Variants in TMEM178B observed in about 807,000 individuals in gnomAD.
TMEM178B encodes transmembrane protein 178B.
Under a neutral mutation model 31.0 loss-of-function variants are expected in TMEM178B, and 5 were observed. The observed-to-expected ratio is 0.16, with a 90% CI of 0.08 to 0.34. TMEM178B has a LOEUF of 0.34. Among genes scored for constraint, TMEM178B ranks in the 10% least tolerant of loss-of-function variants. TMEM178B has a pLI of 1.00. For synonymous variants in TMEM178B, 164 were observed against 164.0 expected, an observed-to-expected ratio of 1.00 and a Z score of 0.00; for missense variants, 275 against 400.3, an observed-to-expected ratio of 0.69 and a Z score of 2.67.
At chr7:141,186,010 C>T (rs188371858) in intron 1 of TMEM178B, among the ~76,000 whole-genome samples, 25 of 152,252 alleles carry the variant, frequency 1.6e-4, no homozygotes, top group East Asian at 1.2e-3. Context: ...TTTGAAACTT[C>T]AATTTCTTGA....
intron 2 of TMEM178B, among the ~76,000 whole-genome samples, chr7:141,295,137 A>G (rs1207748617): frequency 1.3e-5 from 2 of 152,190 alleles, no homozygotes; most frequent in Admixed American, 6.5e-5. Flanking sequence ...GAAATATGAC[A>G]GATGTCTGCA....
At chr7:141,195,953 C>T (rs934816264) in intron 1 of TMEM178B, among the ~76,000 whole-genome samples, 7 of 152,180 alleles carry the variant, frequency 4.6e-5, no homozygotes, top group African/African-American at 1.7e-4. Context: ...ACAGGAAAGA[C>T]CGGATCCCAT....
In TMEM178B at chr7:141,472,367, G is replaced by A. The variant is rs1326970728; in HGVS notation, c.*1581G>A. 6.6e-6 allele frequency: 1 copy of A among 152,152 alleles called. No individual in the cohort carries two copies. The highest frequency in any genetic ancestry group is 1.5e-5 in the Non-Finnish European group (1 of 68,044). The allele number at this position is 152,152 out of a possible 1,614,324, so 9.4% of individuals were successfully genotyped here. Reference sequence around the variant, plus strand: ...TCTTAGTGGCTAGCACCCAAACAGAGGTGGAATAAATCCACCCCAGTGTCT... The same window carrying A: ...TCTTAGTGGCTAGCACCCAAACAGAAGTGGAATAAATCCACCCCAGTGTCT... On this transcript the variant is annotated 3_prime_UTR_variant, in exon 4 of 4. Coordinates refer to ENST00000565468, the MANE Select transcript of TMEM178B (RefSeq NM_001195278.2).
At chr7:141,386,103 G>T (rs766103567) in intron 2 of TMEM178B, among the ~76,000 whole-genome samples, 27 of 152,206 alleles carry the variant, frequency 1.8e-4, no homozygotes, top group Non-Finnish European at 3.5e-4. Flanking sequence ...TTATGAGCAG[G>T]TGGCCTCTAA....
chr7:141,147,994 A>T (rs370867183), intron 1 of TMEM178B, among the ~76,000 whole-genome samples: 78 of 152,344 alleles, frequency 5.1e-4, no homozygotes, highest in African/African-American at 1.8e-3. Flanking sequence ...GGCTTAAAAC[A>T]GCACAAATTT....
At position 141,084,964 on chromosome 7, in the gene TMEM178B, C is replaced by T. The variant is rs548908735; in HGVS notation, c.382+10272C>T. Among the ~76,000 whole-genome samples, 6 of 151,990 alleles carry T rather than the reference C, an allele frequency of 3.9e-5. No individual in the cohort carries two copies. In the East Asian group the frequency reaches 9.7e-4, roughly 25 times the overall value. ...CACGATCTCGGCTCATCGCAACCTC[C>T]GCCTCCCGGGTTCAAGTGATTCTGC... On this transcript the variant is annotated intron_variant, in intron 1 of 3. Transcript: ENST00000565468.
chr7:141,192,304 C>G (rs919129852), intron 1 of TMEM178B, among the ~76,000 whole-genome samples: 2 of 152,002 alleles, frequency 1.3e-5, no homozygotes, highest in Non-Finnish European at 2.9e-5. Flanking sequence ...AGCAGAGACA[C>G]CAGAGGTTAG....
At chr7:141,338,319 A>G (rs1799460525) in intron 2 of TMEM178B, among the ~76,000 whole-genome samples, 1 of 152,194 alleles carries the variant, frequency 6.6e-6, no homozygotes, top group Non-Finnish European at 1.5e-5. Flanking sequence ...AGATTAGTCA[A>G]TTATGTAATT....
In TMEM178B at chr7:141,396,551, G is replaced by A. The variant is rs149250409; in HGVS notation, c.497-41057G>A. ...AAACAGAGCCTCAGAAAGATGAGGCGACAGCGCTGGGACTAGAAAAGTTTC... is the reference window on the plus strand; with the variant it reads ...AAACAGAGCCTCAGAAAGATGAGGCAACAGCGCTGGGACTAGAAAAGTTTC... On this transcript the variant is annotated intron_variant, in intron 2 of 3. Coordinates refer to ENST00000565468, the MANE Select transcript of TMEM178B (RefSeq NM_001195278.2). Among the ~76,000 whole-genome samples the A allele has an allele frequency of 4.5e-4, 68 of 152,274 alleles. No homozygotes were observed. In the East Asian group the frequency reaches 7.5e-3, roughly 17 times the overall value.
chr7:141,478,141 G>A lies in TMEM178B; in HGVS notation c.*7355G>A, dbSNP rs1022500307. The A allele has an allele frequency of 6.5e-6, 1 of 153,144 alleles. No individual in the cohort carries two copies. Among genetic ancestry groups the A allele is most frequent in the Non-Finnish European group, 1.5e-5 (1 of 68,440 alleles). 9.5% of individuals were successfully genotyped at this position (153,144 alleles called of 1,614,324 possible). A position where few individuals can be genotyped will look rare whatever the true frequency, so the allele number is the denominator to read the frequency against. On this transcript the variant is annotated 3_prime_UTR_variant, in exon 4 of 4. Transcript: ENST00000565468. ...ATGGTGGAGGCAGTGGTGGCGTGGA[G>A]GCAGTAGGCAGAAGATGTGGGTTGG...
the TMEM178B span, among the ~76,000 whole-genome samples, chr7:141,506,008 C>T: frequency 6.6e-6 from 1 of 152,216 alleles, no homozygotes; most frequent in Non-Finnish European, 1.5e-5. Context: ...AGGTTATGGG[C>T]CAGGTCCCTT....
At position 141,171,771 on chromosome 7, in the gene TMEM178B, G is replaced by A. The variant is rs995487; in HGVS notation, c.383-40820G>A. ...GCAGTGTGAACATGTGCAAATGTGG[G>A]CCAGCTTAACACCATGAACCCAGTG... On this transcript the variant is annotated intron_variant, in intron 1 of 3. Coordinates refer to ENST00000565468, the MANE Select transcript of TMEM178B (RefSeq NM_001195278.2). The surrounding 1 kb of genome is among the most constrained non-coding windows in gnomAD (Gnocchi z 4.3). Among the ~76,000 whole-genome samples the A allele has an allele frequency of 0.73, 111,653 of 152,010 alleles. 41,668 individuals carry two copies. The highest frequency in any genetic ancestry group is 0.84 in the African/African-American group (34,850 of 41,458).
At chr7:141,392,505 C>G (rs1367454063) in intron 2 of TMEM178B, among the ~76,000 whole-genome samples, 1 of 152,124 alleles carries the variant, frequency 6.6e-6, no homozygotes, top group Non-Finnish European at 1.5e-5. Flanking sequence ...GCTTCAGGAC[C>G]CTTCATCCCT....
chr7:141,391,571 A>G (rs1346799963), intron 2 of TMEM178B, among the ~76,000 whole-genome samples: 2 of 152,172 alleles, frequency 1.3e-5, no homozygotes, highest in African/African-American at 2.4e-5. Context: ...TTTTGAGTGT[A>G]CAGTTCAGTG....
At chr7:141,497,409 T>C in the TMEM178B span, among the ~76,000 whole-genome samples, 1 of 152,194 alleles carries the variant, frequency 6.6e-6, no homozygotes, top group African/African-American at 2.4e-5. Flanking sequence ...CAACCCAAAT[T>C]CCTTAACTTT....
Position 141,470,896 on chromosome 7 carries a change from G to A in TMEM178B, c.*110G>A, listed in dbSNP as rs1011384902. Reference sequence around the variant, plus strand: ...GATGCCAGTGCCAAGGTAGAGTTGAGTTGGCTCAGGCACCTGCATCTCGCC... The same window carrying A: ...GATGCCAGTGCCAAGGTAGAGTTGAATTGGCTCAGGCACCTGCATCTCGCC... On this transcript the variant is annotated 3_prime_UTR_variant, in exon 4 of 4. Transcript: ENST00000565468. 1 of 658,584 alleles carries A rather than the reference G, an allele frequency of 1.5e-6. No individual in the cohort carries two copies. Among genetic ancestry groups the A allele is most frequent in the Non-Finnish European group, 1.9e-6 (1 of 516,400 alleles). 40.8% of individuals were successfully genotyped at this position (658,584 alleles called of 1,614,324 possible).
At chr7:141,436,281 A>G (rs1801538399) in intron 2 of TMEM178B, among the ~76,000 whole-genome samples, 1 of 152,110 alleles carries the variant, frequency 6.6e-6, no homozygotes, top group Non-Finnish European at 1.5e-5. Flanking sequence ...GGTTGAGAAA[A>G]GATTGTCCAG....
chr7:141,366,313 G>A (rs987388663), intron 2 of TMEM178B, among the ~76,000 whole-genome samples: 6 of 152,112 alleles, frequency 3.9e-5, no homozygotes, highest in South Asian at 2.1e-4. Flanking sequence ...CTTCTGGCTC[G>A]AAAGGGAAAT....
At chr7:141,237,749 C>A (rs1468409761) in intron 2 of TMEM178B, among the ~76,000 whole-genome samples, 1 of 152,066 alleles carries the variant, frequency 6.6e-6, no homozygotes, top group Non-Finnish European at 1.5e-5. Flanking sequence ...CAGGGCTGGG[C>A]GTGGTGTCTC....
Sources: allele counts gnomAD v4.1 joint callset (sites outside exome capture counted in the v4.1 genomes callset), GRCh38; gene constraint gnomAD v4.1.1; non-coding constraint Gnocchi (gnomAD v3.1); transcripts MANE v1.5; gene names NCBI Gene and HGNC (gene_info 2026-07-23, HGNC 2026-07-21).